The following NEDD4L variants were observed in gnomAD, a reference collection of about 807,000 sequenced individuals.
NEDD4L encodes the protein NEDD4 like E3 ubiquitin protein ligase, also known as E3 ubiquitin-protein ligase NEDD4-like.
A neutral mutation model predicts 148.9 loss-of-function variants in NEDD4L; 54 were observed. The ratio of observed to expected loss-of-function variants is 0.36; its 90% CI spans 0.29 to 0.45. The LOEUF (loss-of-function observed/expected upper bound fraction) is 0.45. Ranked by LOEUF, NEDD4L falls within the 20% of genes least tolerant of loss-of-function variation. The pLI is 1.00. For synonymous variants in NEDD4L, 433 were observed against 440.7 expected, an observed-to-expected ratio of 0.98 and a Z score of 0.22; for missense variants, 856 against 1,233.8, an observed-to-expected ratio of 0.69 and a Z score of 4.59.
intron 2 of NEDD4L, among the ~76,000 whole-genome samples, chr18:58,213,987 G>A (rs533067640): frequency 1.3e-5 from 2 of 152,300 alleles, no homozygotes; most frequent in South Asian, 2.1e-4. Context: ...AATATGTAGG[G>A]CCCGGTGGGA....
intron 6 of NEDD4L, among the ~76,000 whole-genome samples, chr18:58,320,185 T>C (rs1215099934): frequency 6.6e-6 from 1 of 152,214 alleles, no homozygotes; most frequent in East Asian, 1.9e-4. Context: ...CCTAGATTGC[T>C]CATGCCCACT....
intron 1 of NEDD4L, among the ~76,000 whole-genome samples, chr18:58,125,358 G>GGTGTGTGTGTGTGTGTGT (rs34644275): frequency 1.0e-4 from 15 of 148,712 alleles, no homozygotes; most frequent in African/African-American, 3.0e-4. Context: ...CCACCAGGAG[G>GGTGTGTGTGTGTGTGTGT]GTGTGTGTGT....
At chr18:58,109,696 A>T (rs2085303727) in intron 1 of NEDD4L, among the ~76,000 whole-genome samples, 1 of 147,628 alleles carries the variant, frequency 6.8e-6, no homozygotes, top group South Asian at 2.1e-4. Context: ...TCAGCCTCCC[A>T]AGTAGCTGGG....
At chr18:58,203,542 A>G (rs1006732949) in intron 2 of NEDD4L, among the ~76,000 whole-genome samples, 2 of 152,152 alleles carry the variant, frequency 1.3e-5, no homozygotes, top group Non-Finnish European at 2.9e-5. Context: ...TGAGCATAAC[A>G]ATATGGAATG....
At chr18:58,290,322 G>A (rs1436699709) in intron 5 of NEDD4L, among the ~76,000 whole-genome samples, 1 of 152,216 alleles carries the variant, frequency 6.6e-6, no homozygotes. Context: ...TGTAAAAATA[G>A]ATCCACATTC....
At chr18:58,225,595 G>T (rs1283290499) in intron 2 of NEDD4L, among the ~76,000 whole-genome samples, 1 of 152,210 alleles carries the variant, frequency 6.6e-6, no homozygotes, top group Non-Finnish European at 1.5e-5. Flanking sequence ...ACCAGTTAGA[G>T]TCTAAGTGGC....
intron 5 of NEDD4L, among the ~76,000 whole-genome samples, chr18:58,283,050 C>CTTATTTATTTAT (rs10555499): frequency 2.3e-4 from 34 of 150,272 alleles, no homozygotes; most frequent in South Asian, 1.1e-3. Context: ...TGCACACTGC[C>CTTATTTATTTAT]TTATTTATTT....
intron 1 of NEDD4L, among the ~76,000 whole-genome samples, chr18:58,119,921 T>C (rs1270283953): frequency 1.3e-5 from 2 of 152,220 alleles, no homozygotes; most frequent in Non-Finnish European, 2.9e-5. Context: ...CGGCCTGTTC[T>C]TACCTGGCTC....
At position 58,362,800 on chromosome 18, in the gene NEDD4L, T is replaced by C. The variant is rs138305876; in HGVS notation, c.1768-1468T>C. ...AATAAACTAGAGAGGAAATCTTAGT[T>C]TGTGACGGGATGTACTGTTGGTAGA... On this transcript the variant is annotated intron_variant, in intron 19 of 30. Transcript: ENST00000400345. Among the ~76,000 whole-genome samples, 605 of 152,348 alleles carry C rather than the reference T, an allele frequency of 4.0e-3. 2 individuals carry two copies. Among genetic ancestry groups the C allele is most frequent in the African/African-American group, 0.012 (513 of 41,582 alleles).
In NEDD4L at chr18:58,044,301, G is replaced by T. The variant is rs950330380; in HGVS notation, c.-360G>T. 4 of 152,606 alleles carry T rather than the reference G, an allele frequency of 2.6e-5. No homozygotes were observed. Among genetic ancestry groups the T allele is most frequent in the Admixed American group, 6.6e-5 (1 of 15,162 alleles). 9.5% of individuals were successfully genotyped at this position (152,606 alleles called of 1,614,324 possible). On this transcript the variant is annotated 5_prime_UTR_variant, in exon 1 of 31. Transcript: ENST00000400345. ...CCGGGAGCGCAGAGGAGGCTCGGAG[G>T]GGGGCGGAGAGCGGCGGGGCGGGAG...
At chr18:58,208,924 A>T (rs1400340509) in intron 2 of NEDD4L, among the ~76,000 whole-genome samples, 1 of 152,120 alleles carries the variant, frequency 6.6e-6, no homozygotes, top group African/African-American at 2.4e-5. Context: ...ACTTTGGAAC[A>T]CTGATTCTAG....
rs911175584 is a variant in NEDD4L at position 58,256,874 on chromosome 18, T to C, written c.297+4820T>C. 1.1e-5 allele frequency: 12 copies of C among 1,092,406 alleles called. No homozygotes were observed. Among genetic ancestry groups the C allele is most frequent in the Non-Finnish European group, 1.4e-5 (12 of 861,360 alleles). 67.7% of individuals were successfully genotyped at this position (1,092,406 alleles called of 1,614,324 possible). On this transcript the variant is annotated intron_variant, in intron 5 of 30. Coordinates refer to ENST00000400345, the MANE Select transcript of NEDD4L (RefSeq NM_001144967.3). This position sits in a 1 kb window ranked among gnomAD's most constrained non-coding sequence, Gnocchi z 5.2. Reference sequence around the variant, plus strand: ...AACCTCACCCTCTGTTCCGGGAGTTTCCCTGCTTCAGGCCAGTGGATCTGA... The same window carrying C: ...AACCTCACCCTCTGTTCCGGGAGTTCCCCTGCTTCAGGCCAGTGGATCTGA...
At chr18:58,277,999 G>A (rs2052401139) in intron 5 of NEDD4L, among the ~76,000 whole-genome samples, 1 of 151,982 alleles carries the variant, frequency 6.6e-6, no homozygotes, top group Non-Finnish European at 1.5e-5. Context: ...GATATTGAAT[G>A]ATGCCTCATT....
intron 2 of NEDD4L, among the ~76,000 whole-genome samples, chr18:58,210,023 C>T (rs1014541688): frequency 2.0e-4 from 30 of 151,974 alleles, no homozygotes; most frequent in Non-Finnish European, 2.9e-4. Flanking sequence ...CAAATTTGGC[C>T]GGGCATGGTG....
At chr18:58,153,865 G>T (rs2035115807) in intron 1 of NEDD4L, among the ~76,000 whole-genome samples, 2 of 152,126 alleles carry the variant, frequency 1.3e-5, no homozygotes, top group Non-Finnish European at 1.5e-5. Context: ...AGCCAGGATG[G>T]TCTCTATCTC....
At chr18:58,309,914 C>T (rs1046277011) in intron 5 of NEDD4L, among the ~76,000 whole-genome samples, 2 of 152,152 alleles carry the variant, frequency 1.3e-5, no homozygotes, top group Admixed American at 1.3e-4. Context: ...TGTCTTCTCA[C>T]CACCCCGATT....
intron 1 of NEDD4L, among the ~76,000 whole-genome samples, chr18:58,142,333 CCA>C (rs145799097): frequency 0.33 from 50,768 of 151,774 alleles, 8,783 homozygotes; most frequent in African/African-American, 0.4. Flanking sequence ...CAGGCGTGAA[CCA>C]CACCGCGCCC....
intron 19 of NEDD4L, among the ~76,000 whole-genome samples, chr18:58,358,993 GTTCT>G (rs2045102033): frequency 1.3e-5 from 2 of 152,086 alleles, no homozygotes; most frequent in African/African-American, 2.4e-5. Context: ...TTTTGTAAAT[GTTCT>G]TTTTCTTTTT....
At chr18:58,292,004 C>A (rs1568597442) in intron 5 of NEDD4L, among the ~76,000 whole-genome samples, 1 of 152,184 alleles carries the variant, frequency 6.6e-6, no homozygotes. Flanking sequence ...TTACCTGTAA[C>A]CCTGTAGGAA....
Sources: gnomAD v4.1 joint callset for allele counts (sites outside exome capture counted in the v4.1 genomes callset) on GRCh38, gnomAD v4.1.1 for gene constraint, Gnocchi (gnomAD v3.1) non-coding constraint, MANE v1.5 for transcripts, NCBI Gene and HGNC (gene_info 2026-07-23, HGNC 2026-07-21) for gene names.